The following CELSR3 variants were observed in gnomAD, a reference collection of about 807,000 sequenced individuals.
CELSR3 encodes the protein EGF-like protein 1.
In CELSR3, 73 loss-of-function variants were observed where a neutral mutation model predicts 270.0. The observed-to-expected ratio is 0.27, with a 90% CI of 0.22 to 0.33. The LOEUF is 0.33. Ranked by LOEUF, CELSR3 falls within the 10% of genes least tolerant of loss-of-function variation. CELSR3 has a pLI of 1.00. For missense variants in CELSR3, 3,614 were observed against 4,533.8 expected, an observed-to-expected ratio of 0.80 and a Z score of 5.83; for synonymous variants, 1,780 against 1,905.4, an observed-to-expected ratio of 0.93 and a Z score of 1.71.
rs1234118370 is a variant in CELSR3 at position 48,654,465 on chromosome 3, G to C, written c.4989-13C>G. On this transcript the variant is annotated splice_polypyrimidine_tract_variant and intron_variant, in intron 6 of 34. Transcript: ENST00000164024. This position sits in a 1 kb window ranked among gnomAD's most constrained non-coding sequence, Gnocchi z 5.4. ...CAGGTCCAGGGACCTGGGGATCAGG[G>C]GTCTGGGTCATTGGTGGGACTGGGG... 22 of 1,560,716 alleles carry C rather than the reference G, an allele frequency of 1.4e-5. No homozygotes were observed. Among genetic ancestry groups the C allele is most frequent in the Non-Finnish European group, 1.8e-5 (21 of 1,151,472 alleles).
In CELSR3 at chr3:48,652,398, C is replaced by T; in HGVS notation, c.5751+39G>A. The T allele has an allele frequency of 5.3e-6, 8 of 1,500,700 alleles. No homozygotes were observed. The highest frequency in any genetic ancestry group is 6.5e-6 in the Non-Finnish European group (7 of 1,076,822). The allele number at this position is 1,500,700 out of a possible 1,614,324, so 93.0% of individuals were successfully genotyped here. A position where few individuals can be genotyped will look rare whatever the true frequency, so the allele number is the denominator to read the frequency against. On this transcript the variant is annotated intron_variant, in intron 11 of 34. Coordinates refer to ENST00000164024, the MANE Select transcript of CELSR3 (RefSeq NM_001407.3). This position sits in a 1 kb window ranked among gnomAD's most constrained non-coding sequence, Gnocchi z 4.3. ...GGAGCCCCTGACTTCTGACCCCTGA[C>T]CCTAATGCCCCATATCACATTCCCA...
chr3:48,648,238 G>GCCCCCCCCCCACCC, intron 19 of CELSR3, 28 bp downstream of exon 19: 1 of 1,342,630 alleles, frequency 7.4e-7, no homozygotes, highest in Non-Finnish European at 1.1e-6. Context: ...CCCCTGCTGT[G>GCCCCCCCCCCACCC]CCCCGCCCTA....
rs2047055839 is a variant in CELSR3, at chr3:48,644,121, C to T, written c.8165+95G>A. On this transcript the variant is annotated intron_variant, in intron 27 of 34. Transcript: ENST00000164024. The surrounding 1 kb of genome is among the most constrained non-coding windows in gnomAD (Gnocchi z 4.8). Reference sequence around the variant, plus strand: ...CATTCCTTCATCTAGAACTTGGAGCCCAACCTGCACCAGGGAAGATCTGGG... The same window carrying T: ...CATTCCTTCATCTAGAACTTGGAGCTCAACCTGCACCAGGGAAGATCTGGG... 6 of 1,028,910 alleles carry T rather than the reference C, an allele frequency of 5.8e-6. No homozygotes were observed. The highest frequency in any genetic ancestry group is 2.9e-5 in the South Asian group (2 of 69,274). The allele number at this position is 1,028,910 out of a possible 1,614,324, so 63.7% of individuals were successfully genotyped here. A position where few individuals can be genotyped will look rare whatever the true frequency, so the allele number is the denominator to read the frequency against.
chr3:48,656,117 T>C (rs1575544633), intron 3 of CELSR3, 23 bp downstream of exon 3: 1 of 1,519,776 alleles, frequency 6.6e-7, no homozygotes, highest in Non-Finnish European at 8.8e-7. Context: ...GGGGAGGCGC[T>C]CAGACACGGG....
At position 48,643,594 on chromosome 3, in the gene CELSR3, A is replaced by C. The variant is rs917137289; in HGVS notation, c.8249T>G (p.Leu2750Arg). 2.4e-5 allele frequency: 37 copies of C among 1,551,006 alleles called. No individual in the cohort carries two copies. The highest frequency in any genetic ancestry group is 3.0e-5 in the Non-Finnish European group (34 of 1,146,948). ...FGLLAVNHSI[L>R]AFHYLHAGLC... ...TCCAGCATGGAGGTAGTGGAAGGCT[A>C]GGATGCTGTGGTTGACTGCCAGGAG... Residue 2750 changes from leucine to arginine, a missense_variant, in exon 28 of 35, where the codon CTA becomes CGA. By Grantham distance (102) the Leu-to-Arg change is moderately radical. Transcript: ENST00000164024.
At position 48,639,541 on chromosome 3, in the gene CELSR3, C is replaced by T. The variant is rs1285327074; in HGVS notation, c.9911+133G>A. 2 of 1,220,634 alleles carry T rather than the reference C, an allele frequency of 1.6e-6. No individual in the cohort carries two copies. Among genetic ancestry groups the T allele is most frequent in the African/African-American group, 3.0e-5 (2 of 65,976 alleles). The allele number at this position is 1,220,634 out of a possible 1,614,324, so 75.6% of individuals were successfully genotyped here. The stretch of plus-strand genomic sequence containing the variant: ...CTGTCCCCAGCCTGTGGCCCTCTGG[C>T]TGTGCTGAGCCTGGGGTAGCCCACA... On this transcript the variant is annotated intron_variant, in intron 34 of 34. Coordinates refer to ENST00000164024, the MANE Select transcript of CELSR3 (RefSeq NM_001407.3). This position sits in a 1 kb window ranked among gnomAD's most constrained non-coding sequence, Gnocchi z 4.1.
At position 48,654,267 on chromosome 3, in the gene CELSR3, C is replaced by G. The variant is rs541851522; in HGVS notation, c.5152+22G>C. 2.5e-6 allele frequency: 4 copies of G among 1,613,436 alleles called. No homozygotes were observed. Among genetic ancestry groups the G allele is most frequent in the Admixed American group, 1.7e-5 (1 of 59,992 alleles). On this transcript the variant is annotated intron_variant, in intron 7 of 34. Transcript: ENST00000164024. The surrounding 1 kb of genome is among the most constrained non-coding windows in gnomAD (Gnocchi z 5.4). ...GATGGGGACAGGGCCATGGGCTAGGCTGGTGGAAGCTTCAGGCCTACCTGC... is the reference window on the plus strand; with the variant it reads ...GATGGGGACAGGGCCATGGGCTAGGGTGGTGGAAGCTTCAGGCCTACCTGC...
In CELSR3 at chr3:48,640,745, T is replaced by C. The variant is rs1373743921; in HGVS notation, c.9026-186A>G. The C allele has an allele frequency of 2.5e-6, 1 of 405,980 alleles. No individual in the cohort carries two copies. Among genetic ancestry groups the C allele is most frequent in the Non-Finnish European group, 4.0e-6 (1 of 246,980 alleles). The allele number at this position is 405,980 out of a possible 1,614,324, so 25.1% of individuals were successfully genotyped here. A position where few individuals can be genotyped will look rare whatever the true frequency, so the allele number is the denominator to read the frequency against. On this transcript the variant is annotated intron_variant, in intron 33 of 34. Coordinates refer to ENST00000164024, the MANE Select transcript of CELSR3 (RefSeq NM_001407.3). The surrounding 1 kb of genome is among the most constrained non-coding windows in gnomAD (Gnocchi z 7.5). ...AGAGGCAGCAGGACAGGGGTCAGAG[T>C]GGAAGGGCAGTCATCTTCCAGTTGT...
rs767852317 is a variant in CELSR3 at position 48,640,030 on chromosome 3, G to T, written c.9555C>A (p.Leu3185=). 6.2e-7 allele frequency: 1 copy of T among 1,611,542 alleles called. No individual in the cohort carries two copies. The highest frequency in any genetic ancestry group is 2.2e-5 in the East Asian group (1 of 44,876). ...SPQRQLSRDP[L]LPSRPLDSLS... ...GAGAGTCCAGCGGCCGGGATGGCAA[G>T]AGGGGGTCCCTTGAGAGTTGCCGCT... The change falls in exon 34 of 35, where the codon CTC becomes CTA. Residue 3185 remains leucine, a synonymous_variant. Coordinates refer to ENST00000164024, the MANE Select transcript of CELSR3 (RefSeq NM_001407.3). The surrounding 1 kb of genome is among the most constrained non-coding windows in gnomAD (Gnocchi z 7.5).
Position 48,640,153 on chromosome 3 carries a change from G to C in CELSR3, c.9432C>G (p.Leu3144=). The change falls in exon 34 of 35, where the codon CTC becomes CTG. Residue 3144 remains leucine (L), a synonymous_variant. Transcript: ENST00000164024. The surrounding 1 kb of genome is among the most constrained non-coding windows in gnomAD (Gnocchi z 7.5). ...MAGRFGSRDA[L]DLGAPREWLS... ...ACCACTCTCGAGGTGCCCCTAAGTC[G>C]AGCGCATCCCGTGACCCGAAGCGGC... The C allele has an allele frequency of 1.9e-6, 3 of 1,612,568 alleles. No homozygotes were observed. The highest frequency in any genetic ancestry group is 2.5e-6 in the Non-Finnish European group (3 of 1,179,928).
intron 20 of CELSR3, 138 bp from the exon 21 acceptor site, chr3:48,647,066 G>A (rs2047090760): frequency 2.6e-6 from 2 of 758,870 alleles, no homozygotes; most frequent in Non-Finnish European, 4.0e-6. Context: ...CATGAACCCA[G>A]AAAGTAACAG....
In CELSR3 at chr3:48,654,639, C is replaced by T. The variant is rs1479126790; in HGVS notation, c.4989-187G>A. ...GTGCAAAGGGGCACCCGTGATGGGC[C>T]GATGGTCTGGGGAAAGGTAGGTGAA... On this transcript the variant is annotated intron_variant, in intron 6 of 34. Transcript: ENST00000164024. This position sits in a 1 kb window ranked among gnomAD's most constrained non-coding sequence, Gnocchi z 5.4. Among the ~76,000 whole-genome samples, 2 of 150,714 alleles carry T rather than the reference C, an allele frequency of 1.3e-5. No individual in the cohort carries two copies. Among genetic ancestry groups the T allele is most frequent in the Non-Finnish European group, 2.9e-5 (2 of 67,964 alleles).
At position 48,660,259 on chromosome 3, in the gene CELSR3, C is replaced by T. The variant is rs750426331; in HGVS notation, c.2376G>A (p.Gln792=). The stretch of plus-strand genomic sequence containing the variant: ...GATTCCGGGTGTTGCCGCCTGTGAT[C>T]TGGTAGCTGATGGCACTGTTGGCAT... ...DRDANSAISY[Q]ITGGNTRNRF... Residue 792 remains glutamine (Q), a synonymous_variant, in exon 1 of 35, where the codon CAG becomes CAA. Transcript: ENST00000164024. The surrounding 1 kb of genome is among the most constrained non-coding windows in gnomAD (Gnocchi z 5.5). 6.2e-7 allele frequency: 1 copy of T among 1,614,176 alleles called. No individual in the cohort carries two copies. The highest frequency in any genetic ancestry group is 8.5e-7 in the Non-Finnish European group (1 of 1,180,036).
At position 48,659,499 on chromosome 3, in the gene CELSR3, G is replaced by C. The variant is rs757503222; in HGVS notation, c.3136C>G (p.Pro1046Ala). The C allele has an allele frequency of 6.2e-7, 1 of 1,614,162 alleles. No homozygotes were observed. Among genetic ancestry groups the C allele is most frequent in the Non-Finnish European group, 8.5e-7 (1 of 1,180,040 alleles). The part of the protein sequence containing the change: ...TAYAVDRGVP[P>A]LRTPVSIQVM... ...TGGATACTGACTGGAGTCCGGAGTGGGGGCACACCTCTGTCCACTGCGTAG... is the reference window on the plus strand; with the variant it reads ...TGGATACTGACTGGAGTCCGGAGTGCGGGCACACCTCTGTCCACTGCGTAG... Residue 1046 changes from proline to alanine, a missense_variant, in exon 1 of 35, where the codon CCA becomes GCA. This residue lies in a region of CELSR3 where 1,331 missense variants were observed against 1,933.7 expected (regional missense o/e 0.69). Coordinates refer to ENST00000164024, the MANE Select transcript of CELSR3 (RefSeq NM_001407.3). The surrounding 1 kb of genome is among the most constrained non-coding windows in gnomAD (Gnocchi z 8.1).
intron 2 of CELSR3, 80 bp downstream of exon 2, chr3:48,656,618 C>T: frequency 7.1e-7 from 1 of 1,412,822 alleles, no homozygotes; most frequent in South Asian, 1.5e-5. Flanking sequence ...AGAAGTGACT[C>T]CCAGTACTCA....
rs1198720683 is a variant in CELSR3, at chr3:48,645,724, C to G, written c.7590+18G>C. On this transcript the variant is annotated intron_variant, in intron 23 of 34. Transcript: ENST00000164024. The surrounding 1 kb of genome is among the most constrained non-coding windows in gnomAD (Gnocchi z 5.4). ...CCTTTGACCCCCCACTTCCTTGGGA[C>G]ACTGAACACAGCCCCACCTCACGGG... The G allele has an allele frequency of 6.2e-7, 1 of 1,604,226 alleles. No individual in the cohort carries two copies. Among genetic ancestry groups the G allele is most frequent in the African/African-American group, 1.3e-5 (1 of 74,778 alleles).
rs367821885 is a variant in CELSR3 at position 48,662,107 on chromosome 3, C to A, written c.528G>T (p.Leu176Phe). 5.6e-6 allele frequency: 9 copies of A among 1,613,556 alleles called. No homozygotes were observed. The highest frequency in any genetic ancestry group is 7.6e-6 in the Non-Finnish European group (9 of 1,179,946). The stretch of plus-strand genomic sequence containing the variant: ...CCGGCTTGGGACCGTGGTGCCGAAT[C>A]AAAAAGTCTGAAGGGAGGGGCGAGC... ...GNSSPLPSDF[L>F]IRHHGPKPVS... The change falls in exon 1 of 35, where the codon TTG (leucine) becomes TTT (phenylalanine). Residue 176 changes from leucine (L) to phenylalanine (F), a missense_variant. This residue lies in a region of CELSR3 where 470 missense variants were observed against 469.7 expected (regional missense o/e 1.00). Coordinates refer to ENST00000164024, the MANE Select transcript of CELSR3 (RefSeq NM_001407.3). This position sits in a 1 kb window ranked among gnomAD's most constrained non-coding sequence, Gnocchi z 7.1.
At position 48,643,572 on chromosome 3, in the gene CELSR3, A is replaced by T. The variant is rs1042812577; in HGVS notation, c.8271T>A (p.Ala2757=). 1.3e-6 allele frequency: 2 copies of T among 1,550,764 alleles called. No homozygotes were observed. The highest frequency in any genetic ancestry group is 2.7e-5 in the African/African-American group (2 of 73,032). ...GAGTCACCTGGAGGCCGCAGAGTCCAGCATGGAGGTAGTGGAAGGCTAGGA... is the reference window on the plus strand; with the variant it reads ...GAGTCACCTGGAGGCCGCAGAGTCCTGCATGGAGGTAGTGGAAGGCTAGGA... ...HSILAFHYLH[A]GLCGLQGLAV... Residue 2757 remains alanine (A), a synonymous_variant, in exon 28 of 35, where the codon GCT becomes GCA. Coordinates refer to ENST00000164024, the MANE Select transcript of CELSR3 (RefSeq NM_001407.3).
In CELSR3 at chr3:48,644,240, C is replaced by T; in HGVS notation, c.8141G>A (p.Arg2714Lys). 6.2e-7 allele frequency: 1 copy of T among 1,613,188 alleles called. No individual in the cohort carries two copies. Reference sequence around the variant, plus strand: ...CAGTGCAGAGGTCTTCTTGGCCTCCCTCTGCCCTGTGGAGCAGGATGTGCG... The same window carrying T: ...CAGTGCAGAGGTCTTCTTGGCCTCCTTCTGCCCTGTGGAGCAGGATGTGCG... ...AARTSCSTGQ[R>K]EAKKTSALTL... The change falls in exon 27 of 35, where the codon AGG becomes AAG. Residue 2714 changes from arginine (R) to lysine (K), a missense_variant. Arg to Lys is a conservative substitution (Grantham distance 26). Around this residue, in one of 7 missense-constraint regions of CELSR3, gnomAD observed 1,240 missense variants for 1,351.7 expected, o/e 0.92. Transcript: ENST00000164024. This position sits in a 1 kb window ranked among gnomAD's most constrained non-coding sequence, Gnocchi z 4.8.
Sources: gnomAD v4.1 joint callset for allele counts (sites outside exome capture counted in the v4.1 genomes callset) on GRCh38, gnomAD v4.1.1 for gene constraint, gnomAD v4.1.1 regional missense constraint, Gnocchi (gnomAD v3.1) non-coding constraint, MANE v1.5 for transcripts, NCBI Gene and HGNC (gene_info 2026-07-23, HGNC 2026-07-21) for gene names.